UGGT2: variants seen among roughly 807,000 people sequenced by gnomAD.
UGGT2 encodes the protein UDP-glucose glycoprotein glucosyltransferase 2, also known as UDP-glucose:glycoprotein glucosyltransferase 2.
In UGGT2, 180 loss-of-function variants were observed where a neutral mutation model predicts 192.1. The observed-to-expected ratio is 0.94, with a 90% confidence interval of 0.83 to 1.06. UGGT2 has a LOEUF of 1.06. Among genes scored for constraint, UGGT2 ranks in the 50% least tolerant of loss-of-function variants. The pLI is 0.00. For synonymous variants in UGGT2, 580 were observed against 591.0 expected (o/e 0.98, Z 0.27); for missense variants, 1,849 against 1,795.7 (o/e 1.03, Z -0.54).
At chr13:95,838,868 C>T (rs765979400) in intron 36 of UGGT2, among the ~76,000 whole-genome samples, 5 of 152,010 alleles carry the variant, frequency 3.3e-5, no homozygotes, top group Non-Finnish European at 7.4e-5. Flanking sequence ...CACTCTCTGA[C>T]CACCTCTTGA....
intron 38 of UGGT2, among the ~76,000 whole-genome samples, chr13:95,814,278 T>G (rs1162053130): frequency 6.6e-6 from 1 of 152,212 alleles, no homozygotes; most frequent in Non-Finnish European, 1.5e-5. Flanking sequence ...AACTCTAGCC[T>G]GTGAGAGTAG....
Position 95,939,906 on chromosome 13 carries a change from T to C in UGGT2, c.1812+51A>G, listed in dbSNP as rs768800046. 3 of 1,418,500 alleles carry C rather than the reference T, an allele frequency of 2.1e-6. No individual in the cohort carries two copies. The African/African-American group carries it at 4.4e-5, about 21-fold the overall frequency. The allele number at this position is 1,418,500 out of a possible 1,614,324, so 87.9% of individuals were successfully genotyped here. On this transcript the variant is annotated intron_variant, in intron 16 of 38. Transcript: ENST00000376747. ...CTACATGAGTAGAGATCATGTGGTGTTTGTCTTTCTGTGCCTGGCCTACTC... is the reference window on the plus strand; with the variant it reads ...CTACATGAGTAGAGATCATGTGGTGCTTGTCTTTCTGTGCCTGGCCTACTC...
chr13:95,973,242 A>G (rs757723474), intron 10 of UGGT2, among the ~76,000 whole-genome samples: 9 of 152,142 alleles, frequency 5.9e-5, no homozygotes, highest in Non-Finnish European at 1.0e-4. Flanking sequence ...AATAGGTGGC[A>G]GACCATATTT....
chr13:95,975,468 G>A (rs185827628), intron 10 of UGGT2, among the ~76,000 whole-genome samples: 84 of 152,244 alleles, frequency 5.5e-4, no homozygotes, highest in African/African-American at 2.0e-3. Context: ...ATTTTCATAT[G>A]GGTTTGGAGC....
intron 20 of UGGT2, among the ~76,000 whole-genome samples, chr13:95,905,084 T>C (rs1458856723): frequency 6.6e-6 from 1 of 152,088 alleles, no homozygotes; most frequent in East Asian, 1.9e-4. Flanking sequence ...TTTGGCTGCA[T>C]AAATGTCTTC....
chr13:95,882,900 G>A (rs1033891321), intron 27 of UGGT2, among the ~76,000 whole-genome samples: 3 of 152,068 alleles, frequency 2.0e-5, no homozygotes, highest in South Asian at 2.1e-4. Flanking sequence ...GTATATTGCC[G>A]CACTCTCTTC....
intron 21 of UGGT2, 117 bp from the exon 22 acceptor site, chr13:95,901,055 T>A (rs2048092430): frequency 1.3e-6 from 1 of 762,662 alleles, no homozygotes; most frequent in Non-Finnish European, 1.8e-6. Context: ...AAAATCATTA[T>A]TTGGTATAAT....
intron 31 of UGGT2, 193 bp downstream of exon 31, chr13:95,863,436 A>G (rs1890345009): frequency 2.0e-6 from 1 of 506,120 alleles, no homozygotes; most frequent in Admixed American, 3.4e-5. Context: ...TGGTTTGTAT[A>G]GTATTTTATT....
intron 17 of UGGT2, among the ~76,000 whole-genome samples, chr13:95,933,520 G>A (rs1271061806): frequency 6.6e-6 from 1 of 152,036 alleles, no homozygotes; most frequent in African/African-American, 2.4e-5. Flanking sequence ...TGGTTTCACT[G>A]ATTCATTGTA....
intron 10 of UGGT2, among the ~76,000 whole-genome samples, chr13:95,979,770 C>A (rs543396255): frequency 2.8e-4 from 43 of 151,890 alleles, no homozygotes; most frequent in Non-Finnish European, 5.6e-4. Flanking sequence ...GGACTAATAT[C>A]CAGAATCTAC....
intron 38 of UGGT2, among the ~76,000 whole-genome samples, chr13:95,830,002 C>T (rs1370654856): frequency 6.6e-6 from 1 of 152,144 alleles, no homozygotes; most frequent in Non-Finnish European, 1.5e-5. Context: ...TGATCTTTGA[C>T]AAACCTGACA....
chr13:96,004,003 A>C (rs1341607607), intron 5 of UGGT2, among the ~76,000 whole-genome samples: 1 of 152,172 alleles, frequency 6.6e-6, no homozygotes, highest in African/African-American at 2.4e-5. Flanking sequence ...TAGTTTCCTC[A>C]TAAATAGTAG....
At chr13:95,890,673 C>G (rs1266546370) in intron 25 of UGGT2, among the ~76,000 whole-genome samples, 189 bp downstream of exon 25, 2 of 152,152 alleles carry the variant, frequency 1.3e-5, no homozygotes, top group Non-Finnish European at 2.9e-5. Flanking sequence ...ACAGCAACAC[C>G]TAACCTCAGC....
intron 38 of UGGT2, among the ~76,000 whole-genome samples, chr13:95,807,718 T>TTTTTTTTTG (rs1884383724): frequency 8.0e-6 from 1 of 124,382 alleles, no homozygotes. Context: ...GCCCTCACCT[T>TTTTTTTTTG]TTTTTTTTTT....
intron 5 of UGGT2, among the ~76,000 whole-genome samples, chr13:96,003,611 T>G: frequency 6.6e-6 from 1 of 152,296 alleles, no homozygotes. Flanking sequence ...CTTTTCTTTT[T>G]GGGACCCTAA....
Position 95,947,149 on chromosome 13 carries a change from T to G in UGGT2, c.1565A>C (p.Asn522Thr). 1 of 1,605,130 alleles carries G rather than the reference T, an allele frequency of 6.2e-7. No homozygotes were observed. The highest frequency in any genetic ancestry group is 2.2e-5 in the East Asian group (1 of 44,720). ...PLRIGFVFIL[N>T]TDDEVDGAND... ...TGCTCCATCAACTTCATCATCTGTA[T>G]TAAGAATGAACACAAAACCAATTCT... The change falls in exon 15 of 39, where the codon AAT becomes ACT. Residue 522 changes from asparagine to threonine, a missense_variant. By Grantham distance (65) the Asn-to-Thr change is moderately conservative (BLOSUM62 0). Transcript: ENST00000376747.
At chr13:95,900,014 G>A (rs920753134) in intron 22 of UGGT2, among the ~76,000 whole-genome samples, 1 of 152,024 alleles carries the variant, frequency 6.6e-6, no homozygotes, top group Non-Finnish European at 1.5e-5. Flanking sequence ...TGCATTTGTT[G>A]ATTTCTTAAT....
rs576645789 is a variant in UGGT2, at chr13:95,913,374, A to T, written c.2296-10314T>A. On this transcript the variant is annotated intron_variant, in intron 20 of 38. Transcript: ENST00000376747. ...GGCTAATATCCAGAATCTACAAAGAACTCAAACAAACTTATAAGAAAAAAA... is the reference window on the plus strand; with the variant it reads ...GGCTAATATCCAGAATCTACAAAGATCTCAAACAAACTTATAAGAAAAAAA... 3.7e-4 allele frequency among the ~76,000 whole-genome samples: 57 copies of T among 152,340 alleles called. No homozygotes were observed. The South Asian group carries it at 9.5e-3, about 25-fold the overall frequency.
chr13:95,983,307 T>G (rs2051185398), intron 10 of UGGT2, among the ~76,000 whole-genome samples: 2 of 152,184 alleles, frequency 1.3e-5, no homozygotes, highest in Non-Finnish European at 2.9e-5. Context: ...ACCGGTCCTA[T>G]GTAATAAAGC....
Sources: gnomAD v4.1 joint callset for allele counts (sites outside exome capture counted in the v4.1 genomes callset) on GRCh38, gnomAD v4.1.1 for gene constraint, MANE v1.5 for transcripts, NCBI Gene and HGNC (gene_info 2026-07-23, HGNC 2026-07-21) for gene names.